The following BBS1 variants were observed in gnomAD, a reference collection of about 807,000 sequenced individuals.
The protein encoded by BBS1 is BBSome complex member BBS1.
A neutral mutation model predicts 73.9 loss-of-function variants in BBS1; 60 were observed. That is an observed-to-expected ratio of 0.81 (90% CI 0.66 to 1.01). The LOEUF (loss-of-function observed/expected upper bound fraction) is 1.01, where lower values mean the gene tolerates loss of function less well. Among genes scored for constraint, BBS1 ranks in the 50% least tolerant of loss-of-function variants. The pLI is 0.00. For synonymous variants in BBS1, 283 were observed against 317.4 expected, an observed-to-expected ratio of 0.89 and a Z score of 1.15; for missense variants, 718 against 770.3, an observed-to-expected ratio of 0.93 and a Z score of 0.80.
intron 7 of BBS1, among the ~76,000 whole-genome samples, chr11:66,516,694 G>A (rs1265759297): frequency 6.6e-6 from 1 of 152,032 alleles, no homozygotes; most frequent in Non-Finnish European, 1.5e-5. Flanking sequence ...GGGACTACAA[G>A]TGCATGCCAC....
intron 7 of BBS1, among the ~76,000 whole-genome samples, chr11:66,517,065 A>G (rs1369670406): frequency 6.6e-6 from 1 of 151,970 alleles, no homozygotes; most frequent in African/African-American, 2.4e-5. Flanking sequence ...CGGGCATGGT[A>G]GCGGTCGCCT....
intron 9 of BBS1, chr11:66,523,234 AGGAAGACAAGACACC>A (rs1856319394): frequency 6.0e-6 from 4 of 671,806 alleles, no homozygotes; most frequent in Non-Finnish European, 1.1e-5. Flanking sequence ...TGAAGGTGGG[AGGAAGACAAGACACC>A]ATAGTGAAGG....
Position 66,526,125 on chromosome 11 carries a change from T to G in BBS1, c.1113T>G (p.Asp371Glu), listed in dbSNP as rs1327210253. 6.2e-7 allele frequency: 1 copy of G among 1,614,204 alleles called. No homozygotes were observed. The highest frequency in any genetic ancestry group is 8.5e-7 in the Non-Finnish European group (1 of 1,180,032). ...TAAACTCTGACGTCTCCACATAGGATGCAGTGACCAGCCTTTGCTTTGGCC... is the reference window on the plus strand; with the variant it reads ...TAAACTCTGACGTCTCCACATAGGAGGCAGTGACCAGCCTTTGCTTTGGCC... Reference protein sequence around the residue: ...KALLNVIHTPDAVTSLCFGRY... With the variant: ...KALLNVIHTPEAVTSLCFGRY... The change falls in exon 12 of 17, where the codon GAT becomes GAG. Residue 371 changes from aspartate (D) to glutamate (E), a missense_variant and splice_region_variant. Physicochemically the swap from Asp to Glu is conservative, Grantham distance 45 (BLOSUM62 2). Transcript: ENST00000318312.
At chr11:66,521,216 A>G (rs902726291) in intron 8 of BBS1, 54 bp from the exon 9 acceptor site, 15 of 1,358,842 alleles carry the variant, frequency 1.1e-5, no homozygotes, top group Non-Finnish European at 1.6e-5. Flanking sequence ...CTGACAGGGC[A>G]GGGAGGGACG....
intron 15 of BBS1, 73 bp downstream of exon 15, chr11:66,531,101 C>T: frequency 6.3e-7 from 1 of 1,587,964 alleles, no homozygotes; most frequent in Non-Finnish European, 8.6e-7. Flanking sequence ...GCCCACAGAG[C>T]CCCGCCAGGT....
Position 66,530,917 on chromosome 11 carries a change from T to C in BBS1, c.1497T>C (p.Phe499=), listed in dbSNP as rs1242062107. The C allele has an allele frequency of 6.2e-7, 1 of 1,614,202 alleles. No individual in the cohort carries two copies. Among genetic ancestry groups the C allele is most frequent in the African/African-American group, 1.3e-5 (1 of 75,048 alleles). ...HAVVQGLGPT[F]KLTLHLQNTS... ...AGGTTCAGGGCCTTGGCCCCACCTT[T>C]AAGCTCACACTTCACCTGCAGAACA... Residue 499 remains phenylalanine, a synonymous_variant, in exon 15 of 17, where the codon TTT becomes TTC. Transcript: ENST00000318312.
intron 11 of BBS1, 127 bp from the exon 12 acceptor site, chr11:66,525,996 G>A (rs900207484): frequency 1.3e-6 from 1 of 774,656 alleles, no homozygotes; most frequent in African/African-American, 1.7e-5. Flanking sequence ...TATTTCAGAG[G>A]CAGCGATTCC....
In BBS1 at chr11:66,530,013, A is replaced by G; in HGVS notation, c.1473+61A>G. Reference sequence around the variant, plus strand: ...GGGGCAGAGGCCAGGATGCGCAGGAACCCCTCTGCCACACAGCTAAGCCCC... The same window carrying G: ...GGGGCAGAGGCCAGGATGCGCAGGAGCCCCTCTGCCACACAGCTAAGCCCC... On this transcript the variant is annotated intron_variant, in intron 14 of 16. Coordinates refer to ENST00000318312, the MANE Select transcript of BBS1 (RefSeq NM_024649.5). The G allele has an allele frequency of 2.6e-6, 4 of 1,551,336 alleles. No homozygotes were observed. In the South Asian group the frequency reaches 4.7e-5, roughly 18 times the overall value.
At chr11:66,531,868 T>C in intron 16 of BBS1, 83 bp from the exon 17 acceptor site, 2 of 1,591,920 alleles carry the variant, frequency 1.3e-6, no homozygotes, top group Middle Eastern at 1.7e-4. Flanking sequence ...AGTGGAGCCC[T>C]GTGGCCTGTC....
intron 7 of BBS1, among the ~76,000 whole-genome samples, chr11:66,516,607 G>A (rs949803984): frequency 8.5e-5 from 13 of 152,164 alleles, no homozygotes; most frequent in African/African-American, 2.7e-4. Context: ...CTGGAGTGCA[G>A]TGGTGTGATC....
chr11:66,527,062 AC>A (rs1856545541), intron 13 of BBS1: 1 of 1,513,582 alleles, frequency 6.6e-7, no homozygotes, highest in African/African-American at 1.4e-5. Context: ...TCACTTCCAA[AC>A]GCAGGAATTC....
intron 13 of BBS1, chr11:66,529,231 CAT>C: frequency 4.0e-6 from 6 of 1,499,306 alleles, no homozygotes; most frequent in Non-Finnish European, 5.3e-6. Flanking sequence ...GGGGAAGAGT[CAT>C]GTGATCCTGC....
At position 66,523,332 on chromosome 11, in the gene BBS1, G is replaced by C. The variant is rs1164744593; in HGVS notation, c.831-124G>C. 7 of 1,357,748 alleles carry C rather than the reference G, an allele frequency of 5.2e-6. No homozygotes were observed. The Admixed American group carries it at 8.4e-5, about 16-fold the overall frequency. 84.1% of individuals were successfully genotyped at this position (1,357,748 alleles called of 1,614,324 possible). ...GGTGGCAGAAGTGGAAATAATCCCAGGGTCATCTGCTTTGGGGCCAGTGTT... is the reference window on the plus strand; with the variant it reads ...GGTGGCAGAAGTGGAAATAATCCCACGGTCATCTGCTTTGGGGCCAGTGTT... On this transcript the variant is annotated intron_variant, in intron 9 of 16. Coordinates refer to ENST00000318312, the MANE Select transcript of BBS1 (RefSeq NM_024649.5).
At chr11:66,523,913 C>A (rs1156840914) in intron 11 of BBS1, 31 bp downstream of exon 11, 2 of 1,611,150 alleles carry the variant, frequency 1.2e-6, no homozygotes, top group Non-Finnish European at 1.7e-6. Context: ...CTGCCACTCA[C>A]TCCTCCTTGC....
intron 15 of BBS1, 134 bp downstream of exon 15, chr11:66,531,162 C>A: frequency 8.0e-7 from 1 of 1,255,190 alleles, no homozygotes; most frequent in Non-Finnish European, 1.1e-6. Context: ...ACCTACTCTC[C>A]CACCACAGAC....
intron 8 of BBS1, 162 bp from the exon 9 acceptor site, chr11:66,521,108 G>A: frequency 2.9e-6 from 2 of 687,362 alleles, no homozygotes; most frequent in Non-Finnish European, 5.3e-6. Flanking sequence ...TTTGCTAAAT[G>A]TTGCCCCAAG....
intron 7 of BBS1, among the ~76,000 whole-genome samples, chr11:66,516,257 C>G (rs1296726866): frequency 6.6e-6 from 1 of 151,214 alleles, no homozygotes; most frequent in Admixed American, 6.6e-5. Context: ...TCCCAAGTAG[C>G]TGGGATTATA....
intron 12 of BBS1, 97 bp from the exon 13 acceptor site, chr11:66,526,552 A>G (rs545736647): frequency 2.0e-6 from 3 of 1,511,440 alleles, no homozygotes; most frequent in South Asian, 2.3e-5. Context: ...TGTGTACAGA[A>G]GCAACTCTAT....
intron 14 of BBS1, among the ~76,000 whole-genome samples, chr11:66,530,353 G>A (rs1255392633): frequency 4.6e-5 from 7 of 151,714 alleles, no homozygotes; most frequent in South Asian, 2.1e-4. Flanking sequence ...GGGCCATCCC[G>A]GCCTCACCCG....
Sources: gnomAD v4.1 joint callset for allele counts (sites outside exome capture counted in the v4.1 genomes callset) on GRCh38, gnomAD v4.1.1 for gene constraint, MANE v1.5 for transcripts, NCBI Gene and HGNC (gene_info 2026-07-23, HGNC 2026-07-21) for gene names.